The following PKLR variants were observed in gnomAD, a reference collection of about 807,000 sequenced individuals.
PKLR encodes pyruvate kinase L/R.
PKLR carries 38 observed loss-of-function variants against 53.6 expected under a neutral mutation model. The ratio of observed to expected loss-of-function variants is 0.71; its 90% confidence interval spans 0.55 to 0.93. The LOEUF (loss-of-function observed/expected upper bound fraction) is 0.93, where lower values mean the gene tolerates loss of function less well. Among genes scored for constraint, PKLR ranks in the 40% least tolerant of loss-of-function variants. The pLI, the probability that PKLR is intolerant of heterozygous loss-of-function variation, is 0.00. For missense variants in PKLR, 702 were observed against 787.3 expected (o/e 0.89, Z 1.30); for synonymous variants, 328 against 316.2 (o/e 1.04, Z -0.39).
At position 155,300,088 on chromosome 1, in the gene PKLR, G is replaced by C; in HGVS notation, c.283+10C>G. ...GCCCTGTGTGGCTGCAGGGGGATGG[G>C]AGTGCTTACCGATGGTGGCAATGAT... On this transcript the variant is annotated intron_variant, in intron 2 of 10. Transcript: ENST00000342741. The C allele has an allele frequency of 6.2e-7, 1 of 1,613,086 alleles. No homozygotes were observed. Among genetic ancestry groups the C allele is most frequent in the South Asian group, 1.1e-5 (1 of 91,076 alleles).
In PKLR at chr1:155,290,550, G is replaced by T. The variant is rs772210964; in HGVS notation, c.*22C>A. On this transcript the variant is annotated 3_prime_UTR_variant, in exon 11 of 11. Transcript: ENST00000342741. ...AGGGATGGGGTACAAGGGTAGGCTG[G>T]GCCAGAGGAGGGAGGGGCGTCTCAG... is the stretch of plus-strand genomic sequence containing the variant. The T allele has an allele frequency of 3.5e-6, 5 of 1,439,198 alleles. No individual in the cohort carries two copies. The highest frequency in any genetic ancestry group is 2.3e-5 in the South Asian group (2 of 87,388). The allele number at this position is 1,439,198 out of a possible 1,614,324, so 89.2% of individuals were successfully genotyped here. A position where few individuals can be genotyped will look rare whatever the true frequency, so the allele number is the denominator to read the frequency against.
upstream of PKLR, among the ~76,000 whole-genome samples, chr1:155,302,088 C>T (rs1466039929): frequency 6.7e-6 from 1 of 149,526 alleles, no homozygotes; most frequent in African/African-American, 2.5e-5. Flanking sequence ...CACAGAGTCT[C>T]ACTCTGTCGC....
chr1:155,295,239 A>G lies in PKLR; in HGVS notation c.571T>C (p.Phe191Leu). ...SQVLVTVDPA[F>L]RTRGNANTVW... is the part of the protein sequence containing the mutation. ...GTGTTCGCGTTCCCCCGCGTCCGGA[A>G]CGCGGGGTCCACAGTCACCAGCACC... is the stretch of plus-strand genomic sequence containing the variant. Residue 191 changes from phenylalanine (F) to leucine (L), a missense_variant, in exon 5 of 11, where the codon TTC (phenylalanine) becomes CTC (leucine). Transcript: ENST00000342741. This position sits in a 1 kb window ranked among gnomAD's most constrained non-coding sequence, Gnocchi z 4.3. The G allele has an allele frequency of 6.2e-7, 1 of 1,613,986 alleles. No individual in the cohort carries two copies. Among genetic ancestry groups the G allele is most frequent in the Non-Finnish European group, 8.5e-7 (1 of 1,179,930 alleles).
At chr1:155,291,996 A>T in intron 9 of PKLR, 59 bp from the exon 10 acceptor site, 1 of 1,526,616 alleles carries the variant, frequency 6.6e-7, no homozygotes, top group Non-Finnish European at 9.0e-7. Flanking sequence ...CGAGGAAAGG[A>T]GAATCTTTGT....
At chr1:155,307,921 C>T in the PKLR span, among the ~76,000 whole-genome samples, 3 of 152,200 alleles carry the variant, frequency 2.0e-5, 1 homozygote, top group East Asian at 5.8e-4. Flanking sequence ...GGAATTAAGG[C>T]GCGGACCAGC....
At chr1:155,307,220 G>T in the PKLR span, among the ~76,000 whole-genome samples, 2 of 152,238 alleles carry the variant, frequency 1.3e-5, no homozygotes, top group Non-Finnish European at 2.9e-5. Flanking sequence ...GCCGTGTTTT[G>T]TCCAATTCTT....
chr1:155,297,631 A>G (rs931868430), intron 2 of PKLR, among the ~76,000 whole-genome samples: 14 of 151,872 alleles, frequency 9.2e-5, no homozygotes, highest in African/African-American at 3.1e-4. Context: ...CTATTAAAAC[A>G]TAAATAAGAG....
rs1647432625 is a variant in PKLR at position 155,294,517 on chromosome 1, G to C, written c.930C>G (p.Ile310Met). 6.2e-7 allele frequency: 1 copy of C among 1,614,130 alleles called. No homozygotes were observed. Among genetic ancestry groups the C allele is most frequent in the Non-Finnish European group, 8.5e-7 (1 of 1,180,056 alleles). Residue 310 changes from isoleucine (I) to methionine (M), a missense_variant, in exon 6 of 11, where the codon ATC (isoleucine) becomes ATG (methionine). By Grantham distance (10) the Ile-to-Met change is conservative (BLOSUM62 1). Around this residue, in one of 2 missense-constraint regions of PKLR, gnomAD observed 519 missense variants for 537.1 expected, o/e 0.97. Transcript: ENST00000342741. ...CTTCGTGGTTCTCAATTTTGCTGAT[G>C]ATCTTGATGCCGTGTCCTTCCGGAC... ...ALGPEGHGIK[I>M]ISKIENHEGV...
chr1:155,298,222 G>A (rs1470440195), intron 2 of PKLR, among the ~76,000 whole-genome samples: 1 of 151,728 alleles, frequency 6.6e-6, no homozygotes, highest in African/African-American at 2.4e-5. Flanking sequence ...TTTTATTAGA[G>A]ACGGGGTTTC....
Position 155,295,847 on chromosome 1 carries a change from G to T in PKLR, c.284-91C>A, listed in dbSNP as rs1033646517. 7 of 1,059,528 alleles carry T rather than the reference G, an allele frequency of 6.6e-6. No homozygotes were observed. Among genetic ancestry groups the T allele is most frequent in the Non-Finnish European group, 1.0e-5 (7 of 684,734 alleles). The allele number at this position is 1,059,528 out of a possible 1,614,324, so 65.6% of individuals were successfully genotyped here. ...CATTACCATTCTCAGAACGCCTCAC[G>T]CCACAGGCGTCCTGTTACCTGATCT... On this transcript the variant is annotated intron_variant, in intron 2 of 10. Coordinates refer to ENST00000342741, the MANE Select transcript of PKLR (RefSeq NM_000298.6). The surrounding 1 kb of genome is among the most constrained non-coding windows in gnomAD (Gnocchi z 4.3).
chr1:155,294,153 AT>A, intron 7 of PKLR, 81 bp downstream of exon 7: 1 of 1,481,248 alleles, frequency 6.8e-7, no homozygotes, highest in Non-Finnish European at 9.4e-7. Flanking sequence ...ACAAAACAAA[AT>A]AAACCCCTAC....
chr1:155,302,972 T>A (rs959262639), upstream of PKLR, among the ~76,000 whole-genome samples: 2 of 152,336 alleles, frequency 1.3e-5, no homozygotes, highest in East Asian at 3.9e-4. Context: ...GTGGTCCTCC[T>A]GCCTTGGTCT....
rs745980070 is a variant in PKLR, at chr1:155,295,388, G to C, written c.507+49C>G. ...CCCACGCCTGGGCCCAACCCTACAG[G>C]CGCCGCCTTTCCGGCCCTGGCCCAG... On this transcript the variant is annotated intron_variant, in intron 4 of 10. Coordinates refer to ENST00000342741, the MANE Select transcript of PKLR (RefSeq NM_000298.6). The surrounding 1 kb of genome is among the most constrained non-coding windows in gnomAD (Gnocchi z 4.3). 8 of 1,612,716 alleles carry C rather than the reference G, an allele frequency of 5.0e-6. No individual in the cohort carries two copies. The East Asian group carries it at 1.8e-4, about 36-fold the overall frequency.
intron 2 of PKLR, among the ~76,000 whole-genome samples, chr1:155,298,490 G>A (rs1421363281): frequency 5.3e-5 from 8 of 150,830 alleles, no homozygotes; most frequent in African/African-American, 1.7e-4. Context: ...CACCATGCCC[G>A]GATAATTTTT....
rs756341032 is a variant in PKLR at position 155,291,813 on chromosome 1, G to A, written c.1561C>T (p.Pro521Ser). Residue 521 changes from proline to serine, a missense_variant, in exon 10 of 11, where the codon CCA becomes TCA. Pro to Ser is a moderately conservative substitution (Grantham distance 74, BLOSUM62 -1). This residue lies in a region of PKLR where 183 missense variants were observed against 250.2 expected (regional missense o/e 0.73). Transcript: ENST00000342741. ...ACATCATCTGCCCAGATGGCTTCTG[G>A]AGGTTCACGGTAAAGCAAGGGGAAG... ...GVFPLLYREP[P>S]EAIWADDVDR... The A allele has an allele frequency of 5.6e-6, 9 of 1,614,010 alleles. No individual in the cohort carries two copies. The highest frequency in any genetic ancestry group is 5.0e-5 in the Admixed American group (3 of 60,002).
the PKLR span, among the ~76,000 whole-genome samples, chr1:155,308,120 G>A: frequency 3.4e-5 from 5 of 147,306 alleles, no homozygotes; most frequent in Non-Finnish European, 7.4e-5. Flanking sequence ...GCAGTGGTTC[G>A]CTGGATCTCA....
intron 2 of PKLR, among the ~76,000 whole-genome samples, chr1:155,298,975 TTTC>T (rs1557962979): frequency 9.4e-4 from 78 of 83,088 alleles, no homozygotes; most frequent in African/African-American, 5.3e-3. Flanking sequence ...TCTTTCTTTC[TTTC>T]TTTCTTTCTT....
chr1:155,295,019 G>A lies in PKLR; in HGVS notation c.694+97C>T. ...CGGGCTGGCAAAAACGCGTGGCCAG[G>A]GGAAGGTGTGATCGGTCTGAGGGCT... On this transcript the variant is annotated intron_variant, in intron 5 of 10. Transcript: ENST00000342741. This position sits in a 1 kb window ranked among gnomAD's most constrained non-coding sequence, Gnocchi z 4.3. 7.3e-7 allele frequency: 1 copy of A among 1,372,444 alleles called. No homozygotes were observed. The highest frequency in any genetic ancestry group is 2.5e-5 in the East Asian group (1 of 40,538). The allele number at this position is 1,372,444 out of a possible 1,614,324, so 85.0% of individuals were successfully genotyped here.
chr1:155,303,741 T>C (rs1345679776), upstream of PKLR, among the ~76,000 whole-genome samples: 1 of 152,144 alleles, frequency 6.6e-6, no homozygotes, highest in Non-Finnish European at 1.5e-5. Flanking sequence ...TTCTCATGCC[T>C]CAGCTTCCTG....
Sources: gnomAD v4.1 joint callset for allele counts (sites outside exome capture counted in the v4.1 genomes callset) on GRCh38, gnomAD v4.1.1 for gene constraint, gnomAD v4.1.1 regional missense constraint, Gnocchi (gnomAD v3.1) non-coding constraint, MANE v1.5 for transcripts, NCBI Gene and HGNC (gene_info 2026-07-23, HGNC 2026-07-21) for gene names.